The following ZNF385D variants were observed in gnomAD, a reference collection of about 807,000 sequenced individuals.
ZNF385D encodes the protein zinc finger protein 385D.
ZNF385D carries 15 observed loss-of-function variants against 35.8 expected under a neutral mutation model. The observed-to-expected ratio is 0.42, with a 90% CI of 0.28 to 0.64. The LOEUF (loss-of-function observed/expected upper bound fraction) is 0.64. Among genes scored for constraint, ZNF385D ranks in the 30% least tolerant of loss-of-function variants. ZNF385D has a pLI of 0.23. For missense variants in ZNF385D, 474 were observed against 494.6 expected (o/e 0.96, Z 0.39); for synonymous variants, 212 against 186.8 (o/e 1.13, Z -1.10).
chr3:21,510,184 T>C (rs1304611021), intron 4 of ZNF385D, among the ~76,000 whole-genome samples: 2 of 152,280 alleles, frequency 1.3e-5, no homozygotes, highest in East Asian at 1.9e-4. Context: ...ATATTTAAAA[T>C]GTCAGCTTGG....
At chr3:21,734,585 G>C (rs1422825411) in intron 1 of ZNF385D, among the ~76,000 whole-genome samples, 2 of 152,070 alleles carry the variant, frequency 1.3e-5, no homozygotes, top group Non-Finnish European at 2.9e-5. Context: ...ATGAGGTAAA[G>C]ACACAGAAGG....
intron 3 of ZNF385D, among the ~76,000 whole-genome samples, chr3:21,906,929 T>G (rs1699712908): frequency 6.6e-6 from 1 of 152,276 alleles, no homozygotes; most frequent in South Asian, 2.1e-4. Flanking sequence ...ATCCTGGAGT[T>G]CTGCTCTTCC....
chr3:22,221,639 T>C (rs578035062), intron 2 of ZNF385D, among the ~76,000 whole-genome samples: 1 of 152,304 alleles, frequency 6.6e-6, no homozygotes, highest in East Asian at 1.9e-4. Context: ...CTGTGCGTTT[T>C]TGATCCTTTT....
intron 1 of ZNF385D, among the ~76,000 whole-genome samples, chr3:21,741,956 G>T (rs2069535978): frequency 6.6e-6 from 1 of 152,140 alleles, no homozygotes; most frequent in African/African-American, 2.4e-5. Flanking sequence ...AATACAAGAG[G>T]CTATTTGATG....
chr3:21,625,285 G>A (rs951801818), intron 2 of ZNF385D, among the ~76,000 whole-genome samples: 9 of 152,064 alleles, frequency 5.9e-5, no homozygotes, highest in South Asian at 2.1e-4. Flanking sequence ...TGCTTTTGCC[G>A]TTCTCGTTGA....
chr3:21,463,654 G>A (rs185179693), intron 4 of ZNF385D, among the ~76,000 whole-genome samples: 309 of 152,204 alleles, frequency 2.0e-3, no homozygotes, highest in Middle Eastern at 6.9e-3. Flanking sequence ...AGTCTTGTCC[G>A]CTGATGCCTA....
At chr3:22,142,109 C>A (rs1384871581) in intron 3 of ZNF385D, among the ~76,000 whole-genome samples, 1 of 152,166 alleles carries the variant, frequency 6.6e-6, no homozygotes, top group Non-Finnish European at 1.5e-5. Context: ...TTGAAAGAAC[C>A]TTGGAAAACA....
chr3:21,708,514 G>T (rs1240885932), intron 1 of ZNF385D, among the ~76,000 whole-genome samples: 1 of 152,054 alleles, frequency 6.6e-6, no homozygotes, highest in Non-Finnish European at 1.5e-5. Flanking sequence ...CTACTTATTG[G>T]CTTCTCCTGA....
intron 2 of ZNF385D, among the ~76,000 whole-genome samples, chr3:22,360,772 C>G (rs1230734125): frequency 6.6e-6 from 1 of 151,954 alleles, no homozygotes; most frequent in South Asian, 2.1e-4. Context: ...AGAAACAACG[C>G]TTCAACTTTA....
intron 3 of ZNF385D, among the ~76,000 whole-genome samples, chr3:21,806,704 A>G (rs2072667999): frequency 6.6e-6 from 1 of 152,184 alleles, no homozygotes; most frequent in Non-Finnish European, 1.5e-5. Context: ...TTTTCAAATA[A>G]ATTCATAAAA....
chr3:21,640,853 C>T (rs529834598), intron 2 of ZNF385D, among the ~76,000 whole-genome samples: 1 of 152,244 alleles, frequency 6.6e-6, no homozygotes, highest in Non-Finnish European at 1.5e-5. Context: ...CAGGGAGCTA[C>T]CAATTCACTA....
intron 3 of ZNF385D, among the ~76,000 whole-genome samples, chr3:22,124,810 T>G (rs1302178767): frequency 6.6e-6 from 1 of 152,132 alleles, no homozygotes; most frequent in Non-Finnish European, 1.5e-5. Flanking sequence ...ATATATCTGG[T>G]TATTAGTTTC....
intron 3 of ZNF385D, among the ~76,000 whole-genome samples, chr3:21,822,485 T>C (rs377447220): frequency 1.3e-5 from 2 of 152,228 alleles, no homozygotes; most frequent in African/African-American, 2.4e-5. Flanking sequence ...CTGGTGGACA[T>C]GTAAAATCGT....
At position 22,016,917 on chromosome 3, in the gene ZNF385D, C is replaced by T. The variant is rs566822522; in HGVS notation, c.325+151900G>A. 2.7e-4 allele frequency among the ~76,000 whole-genome samples: 41 copies of T among 150,928 alleles called. No individual in the cohort carries two copies. The East Asian group carries it at 6.8e-3, about 25-fold the overall frequency. On this transcript the variant is annotated intron_variant, in intron 3 of 5. Coordinates refer to the ZNF385D transcript ENST00000494108. ...TTATCTATCAATCTATCTATCTATC[C>T]TGTCCATCCATCCATCGGACACACA...
chr3:22,348,683 G>A (rs111392817), intron 2 of ZNF385D, among the ~76,000 whole-genome samples: 8 of 123,488 alleles, frequency 6.5e-5, no homozygotes, highest in African/African-American at 2.9e-4. Context: ...AGAAAGAAAG[G>A]AAGGGAGGGA....
chr3:22,006,224 G>A (rs1696190058), intron 3 of ZNF385D, among the ~76,000 whole-genome samples: 1 of 152,034 alleles, frequency 6.6e-6, no homozygotes, highest in Non-Finnish European at 1.5e-5. Flanking sequence ...AGGAGGGAAA[G>A]GAACTTAACT....
intron 3 of ZNF385D, among the ~76,000 whole-genome samples, chr3:21,891,181 G>A (rs563089208): frequency 7.2e-4 from 110 of 152,068 alleles, no homozygotes; most frequent in Non-Finnish European, 2.1e-4. Flanking sequence ...TGCTTGACAC[G>A]CAGAAGGTAA....
At chr3:22,318,461 G>C (rs1704022547) in intron 2 of ZNF385D, among the ~76,000 whole-genome samples, 1 of 152,080 alleles carries the variant, frequency 6.6e-6, no homozygotes. Context: ...TGAAGTAAAT[G>C]GAAAATTATG....
intron 2 of ZNF385D, among the ~76,000 whole-genome samples, chr3:22,180,737 G>T (rs146495935): frequency 2.0e-5 from 3 of 151,794 alleles, no homozygotes; most frequent in African/African-American, 7.3e-5. Context: ...ATTCAACAAC[G>T]CTTCATGCTA....
Sources: gnomAD v4.1 joint callset for allele counts (sites outside exome capture counted in the v4.1 genomes callset) on GRCh38, gnomAD v4.1.1 for gene constraint, MANE v1.5 for transcripts, NCBI Gene and HGNC (gene_info 2026-07-23, HGNC 2026-07-21) for gene names.